Variants in WNT9A observed in about 807,000 individuals in gnomAD.
WNT9A encodes the protein protein Wnt-9a.
In WNT9A, 8 loss-of-function variants were observed where a neutral mutation model predicts 31.4. The ratio of observed to expected loss-of-function variants is 0.26; its 90% confidence interval spans 0.15 to 0.46. WNT9A has a LOEUF of 0.46. Ranked by LOEUF, WNT9A falls within the 20% of genes least tolerant of loss-of-function variation. WNT9A has a pLI of 0.99. For missense variants in WNT9A, 457 were observed against 522.9 expected (o/e 0.87, Z 1.23); for synonymous variants, 236 against 220.1 (o/e 1.07, Z -0.64).
At chr1:227,936,687 G>A (rs1437476245) in intron 1 of WNT9A, among the ~76,000 whole-genome samples, 3 of 151,704 alleles carry the variant, frequency 2.0e-5, no homozygotes, top group Admixed American at 6.6e-5. Context: ...GGGCAGTGGC[G>A]CTATCTTGGC....
chr1:227,921,650 G>A lies in WNT9A; in HGVS notation c.966C>T (p.Ile322=). The change falls in exon 4 of 4, where the codon ATC becomes ATT. Residue 322 remains isoleucine, a synonymous_variant. Transcript: ENST00000272164. ...RCHREKNCES[I]CCGRGHNTQS... The stretch of plus-strand genomic sequence containing the variant: ...GTGTGTTATGGCCGCGGCCACAGCA[G>A]ATGCTCTCGCAGTTCTTCTCACGGT... The A allele has an allele frequency of 6.2e-7, 1 of 1,613,388 alleles. No individual in the cohort carries two copies. Among genetic ancestry groups the A allele is most frequent in the South Asian group, 1.1e-5 (1 of 91,088 alleles).
At chr1:227,922,062 G>T in intron 3 of WNT9A, 62 bp from the exon 4 acceptor site, 2 of 1,536,938 alleles carry the variant, frequency 1.3e-6, no homozygotes, top group Admixed American at 1.9e-5. Context: ...CCAGTGAGCA[G>T]ACCCTGCCCT....
Position 227,921,827 on chromosome 1 carries a change from C to T in WNT9A, c.789G>A (p.Glu263=), listed in dbSNP as rs201645372. Residue 263 remains glutamate (E), a synonymous_variant, in exon 4 of 4, where the codon GAG becomes GAA. Transcript: ENST00000272164. ...VGSTTNEAAG[E]AGAISPPRGR... is the part of the protein sequence containing the mutation. ...CCCGTGGTGGGGAGATGGCACCTGC[C>T]TCGCCGGCAGCTTCATTGGTGGTGC... 5.5e-4 allele frequency: 887 copies of T among 1,613,080 alleles called. 10 individuals are homozygous for T. In the South Asian group the frequency reaches 8.6e-3, roughly 16 times the overall value.
chr1:227,922,389 C>T (rs1017076489), intron 3 of WNT9A, among the ~76,000 whole-genome samples: 4 of 152,252 alleles, frequency 2.6e-5, no homozygotes, highest in Admixed American at 6.5e-5. Context: ...TCTCAGCACA[C>T]AGCTTGCTGG....
chr1:227,929,686 T>C (rs1045805486), intron 1 of WNT9A, among the ~76,000 whole-genome samples: 1 of 152,204 alleles, frequency 6.6e-6, no homozygotes, highest in Non-Finnish European at 1.5e-5. Flanking sequence ...ATTTAAAAAT[T>C]AGCCAGGCGC....
rs1267187783 is a variant in WNT9A, at chr1:227,920,027, C to T, written c.*1491G>A. ...TCCCCCAGTGACACAAAGCAAGCAG[C>T]TTCCTCATGACATGACATGAACCAA... On this transcript the variant is annotated 3_prime_UTR_variant, in exon 4 of 4. Transcript: ENST00000272164. The T allele has an allele frequency of 5.9e-5, 9 of 152,362 alleles. No individual in the cohort carries two copies. Among genetic ancestry groups the T allele is most frequent in the Admixed American group, 5.2e-4 (8 of 15,286 alleles). 9.4% of individuals were successfully genotyped at this position (152,362 alleles called of 1,614,324 possible).
chr1:227,922,190 C>G (rs1028032198), intron 3 of WNT9A, among the ~76,000 whole-genome samples, 190 bp from the exon 4 acceptor site: 1 of 152,192 alleles, frequency 6.6e-6, no homozygotes, highest in African/African-American at 2.4e-5. Context: ...CTACCTCCTC[C>G]AGGCTGCCGA....
In WNT9A at chr1:227,928,777, G is replaced by C. The variant is rs952694736; in HGVS notation, c.96-3258C>G. The stretch of plus-strand genomic sequence containing the variant: ...ACAGAGCCACAGAAGGGCTGAAGAA[G>C]GGAGGAGTGGTTCCCAACACAACCT... On this transcript the variant is annotated intron_variant, in intron 1 of 3. Transcript: ENST00000272164. The surrounding 1 kb of genome is among the most constrained non-coding windows in gnomAD (Gnocchi z 4.5). Among the ~76,000 whole-genome samples the C allele has an allele frequency of 6.6e-6, 1 of 152,216 alleles. No individual in the cohort carries two copies. Among genetic ancestry groups the C allele is most frequent in the Non-Finnish European group, 1.5e-5 (1 of 68,040 alleles).
rs1425538341 is a variant in WNT9A, at chr1:227,919,885, CCAGGTCAGTG to C, written c.*1623_*1632del. Reference sequence around the variant, plus strand: ...ACACACACTACACCCTCAAACCAAGCCAGGTCAGTGCAGGTCACCCTGTCCCCAGCACACA... The same window carrying C: ...ACACACACTACACCCTCAAACCAAGCCAGGTCACCCTGTCCCCAGCACACA... On this transcript the variant is annotated 3_prime_UTR_variant, in exon 4 of 4. Transcript: ENST00000272164. 3 of 152,624 alleles carry C rather than the reference CCAGGTCAGTG, an allele frequency of 2.0e-5. No homozygotes were observed. The highest frequency in any genetic ancestry group is 7.2e-5 in the African/African-American group (3 of 41,416). 9.5% of individuals were successfully genotyped at this position (152,624 alleles called of 1,614,324 possible). A position where few individuals can be genotyped will look rare whatever the true frequency, so the allele number is the denominator to read the frequency against.
Position 227,926,433 on chromosome 1 carries a change from G to A in WNT9A, c.96-914C>T, listed in dbSNP as rs1392980229. On this transcript the variant is annotated intron_variant, in intron 1 of 3. Coordinates refer to ENST00000272164, the MANE Select transcript of WNT9A (RefSeq NM_003395.4). This position sits in a 1 kb window ranked among gnomAD's most constrained non-coding sequence, Gnocchi z 5.0. ...CAAGGCTTCCCTCACACCCCGCCCT[G>A]GCCCAGCCCAGCCCATATCGAGTCA... 6.6e-6 allele frequency among the ~76,000 whole-genome samples: 1 copy of A among 151,880 alleles called. No individual in the cohort carries two copies.
At chr1:227,930,246 G>A (rs985268205) in intron 1 of WNT9A, among the ~76,000 whole-genome samples, 1 of 152,168 alleles carries the variant, frequency 6.6e-6, no homozygotes, top group East Asian at 1.9e-4. Context: ...GCCGAGTCGC[G>A]CCCCAGGTGT....
At chr1:227,924,674 G>A (rs1351627291) in intron 2 of WNT9A, among the ~76,000 whole-genome samples, 2 of 152,204 alleles carry the variant, frequency 1.3e-5, no homozygotes, top group African/African-American at 4.8e-5. Flanking sequence ...TCAGGGTCTC[G>A]AACCTCCCAG....
chr1:227,925,060 C>T lies in WNT9A; in HGVS notation c.352+203G>A, dbSNP rs991246888. 1.3e-5 allele frequency among the ~76,000 whole-genome samples: 2 copies of T among 152,310 alleles called. No homozygotes were observed. The highest frequency in any genetic ancestry group is 2.1e-4 in the South Asian group (1 of 4,830). On this transcript the variant is annotated intron_variant, in intron 2 of 3. Transcript: ENST00000272164. The surrounding 1 kb of genome is among the most constrained non-coding windows in gnomAD (Gnocchi z 6.0). ...GCCCTGGCCACCAGCAACGACTGTG[C>T]GTGTGCCTAAAGCAAGGCAGGGCAG... is the stretch of plus-strand genomic sequence containing the variant.
intron 1 of WNT9A, among the ~76,000 whole-genome samples, chr1:227,932,972 G>A (rs1028419306): frequency 9.2e-5 from 14 of 152,210 alleles, no homozygotes; most frequent in Non-Finnish European, 1.8e-4. Context: ...TGGTGAATGG[G>A]CATTGGCTTT....
At chr1:227,932,901 T>G (rs1019023328) in intron 1 of WNT9A, among the ~76,000 whole-genome samples, 6 of 152,246 alleles carry the variant, frequency 3.9e-5, no homozygotes, top group African/African-American at 1.4e-4. Context: ...TGTTATTCCA[T>G]TTCTAGAGCA....
chr1:227,924,334 G>A lies in WNT9A; in HGVS notation c.419C>T (p.Ala140Val). 3 of 1,613,572 alleles carry A rather than the reference G, an allele frequency of 1.9e-6. No homozygotes were observed. The highest frequency in any genetic ancestry group is 2.5e-6 in the Non-Finnish European group (3 of 1,179,970). Residue 140 changes from alanine (A) to valine (V), a missense_variant, in exon 3 of 4, where the codon GCG (alanine) becomes GTG (valine). By Grantham distance (64) the Ala-to-Val change is moderately conservative. Coordinates refer to ENST00000272164, the MANE Select transcript of WNT9A (RefSeq NM_003395.4). ...SAGLTHALAK[A>V]CSAGRMERCT... ...GCGCTCCATGCGGCCCGCGCTGCAC[G>A]CCTTGGCCAGTGCGTGCGTCAGGCC...
intron 1 of WNT9A, among the ~76,000 whole-genome samples, chr1:227,935,203 A>AC (rs1226429615): frequency 6.7e-6 from 1 of 149,916 alleles, no homozygotes; most frequent in Non-Finnish European, 1.5e-5. Context: ...TCAGGTTGCC[A>AC]AGCAGACCCC....
intron 3 of WNT9A, among the ~76,000 whole-genome samples, chr1:227,922,501 A>G (rs938810504): frequency 1.3e-5 from 2 of 152,182 alleles, no homozygotes; most frequent in African/African-American, 4.8e-5. Flanking sequence ...GCACATGCAG[A>G]CGCGACCCCC....
chr1:227,937,613 T>A (rs1382339461), intron 1 of WNT9A, among the ~76,000 whole-genome samples: 1 of 152,144 alleles, frequency 6.6e-6, no homozygotes, highest in African/African-American at 2.4e-5. Context: ...CACGTGAAGA[T>A]GGAAGCAGGG....
Sources: gnomAD v4.1 joint callset for allele counts (sites outside exome capture counted in the v4.1 genomes callset) on GRCh38, gnomAD v4.1.1 for gene constraint, Gnocchi (gnomAD v3.1) non-coding constraint, MANE v1.5 for transcripts, NCBI Gene and HGNC (gene_info 2026-07-23, HGNC 2026-07-21) for gene names.